The following KCNJ6 variants were observed in gnomAD, a reference collection of about 807,000 sequenced individuals.
The protein encoded by KCNJ6 is G protein-activated inward rectifier potassium channel 2.
In KCNJ6, 9 loss-of-function variants were observed where a neutral mutation model predicts 34.2. That is an observed-to-expected ratio of 0.26 (90% CI 0.16 to 0.46). The LOEUF (loss-of-function observed/expected upper bound fraction) is 0.46, where lower values mean the gene tolerates loss of function less well. KCNJ6 is among the 20% of genes least tolerant of loss of function. The pLI, the probability that KCNJ6 is intolerant of heterozygous loss-of-function variation, is 1.00. For missense variants in KCNJ6, 236 were observed against 531.3 expected, an observed-to-expected ratio of 0.44 and a Z score of 5.46; for synonymous variants, 196 against 207.1, an observed-to-expected ratio of 0.95 and a Z score of 0.46.
At chr21:37,678,276 G>A (rs1783046) in intron 3 of KCNJ6, among the ~76,000 whole-genome samples, 134,354 of 152,134 alleles carry the variant, frequency 0.88, 60,078 homozygotes, top group Non-Finnish European at 0.95. Context: ...GATGATACTG[G>A]TCAGGTAAGG....
At chr21:37,671,506 T>C (rs2123408339) in intron 3 of KCNJ6, among the ~76,000 whole-genome samples, 1 of 152,334 alleles carries the variant, frequency 6.6e-6, no homozygotes, top group South Asian at 2.1e-4. Context: ...AGTAGAGTGG[T>C]TCCCTGAGTT....
chr21:37,714,629 C>A lies in KCNJ6; in HGVS notation c.528G>T (p.Val176=). 3 of 1,614,124 alleles carry A rather than the reference C, an allele frequency of 1.9e-6. No homozygotes were observed. The highest frequency in any genetic ancestry group is 2.5e-6 in the Non-Finnish European group (3 of 1,180,032). ...TGAATGCATTGACAATGGACCCCAACACAGATTGGATTAAGAGAAGAATAA... is the reference window on the plus strand; with the variant it reads ...TGAATGCATTGACAATGGACCCCAAAACAGATTGGATTAAGAGAAGAATAA... ...EGIILLLIQS[V]LGSIVNAFMV... is the part of the protein sequence containing the mutation. The change falls in exon 3 of 4, where the codon GTG becomes GTT. Residue 176 remains valine (V), a synonymous_variant. Coordinates refer to ENST00000609713, the MANE Select transcript of KCNJ6 (RefSeq NM_002240.5). This position sits in a 1 kb window ranked among gnomAD's most constrained non-coding sequence, Gnocchi z 5.9.
At chr21:37,682,565 T>C (rs1448135807) in intron 3 of KCNJ6, among the ~76,000 whole-genome samples, 3 of 152,050 alleles carry the variant, frequency 2.0e-5, no homozygotes, top group Non-Finnish European at 4.4e-5. Flanking sequence ...GTGTCTCTTA[T>C]AAGGGCAATT....
intron 2 of KCNJ6, among the ~76,000 whole-genome samples, chr21:37,720,417 T>G (rs2054818832): frequency 6.6e-6 from 1 of 152,088 alleles, no homozygotes; most frequent in Non-Finnish European, 1.5e-5. Flanking sequence ...AAAATGAGAA[T>G]GTATGCAAGT....
intron 2 of KCNJ6, among the ~76,000 whole-genome samples, chr21:37,813,584 C>G (rs1014957420): frequency 2.6e-5 from 4 of 152,092 alleles, no homozygotes; most frequent in African/African-American, 9.7e-5. Flanking sequence ...GAATAGAGAG[C>G]CCAGAAGCAA....
intron 2 of KCNJ6, among the ~76,000 whole-genome samples, chr21:37,767,840 A>T (rs778834239): frequency 5.5e-4 from 84 of 152,246 alleles, no homozygotes; most frequent in Non-Finnish European, 1.1e-3. Context: ...TTTAAATTTA[A>T]TTTTCATGTT....
chr21:37,717,539 AG>A (rs1393836012), intron 2 of KCNJ6, among the ~76,000 whole-genome samples: 1 of 152,210 alleles, frequency 6.6e-6, no homozygotes, highest in Non-Finnish European at 1.5e-5. Context: ...CCTACATGGC[AG>A]GGTGTTCTTG....
chr21:37,688,401 G>T (rs2054625065), intron 3 of KCNJ6, among the ~76,000 whole-genome samples: 1 of 150,970 alleles, frequency 6.6e-6, no homozygotes. Flanking sequence ...CTACATTCTA[G>T]ATTCTATGCT....
chr21:37,886,652 G>A (rs1279655687), intron 1 of KCNJ6, among the ~76,000 whole-genome samples: 1 of 152,196 alleles, frequency 6.6e-6, no homozygotes, highest in Non-Finnish European at 1.5e-5. Context: ...CCCGCTGAAG[G>A]AAGCTGAAAT....
intron 2 of KCNJ6, among the ~76,000 whole-genome samples, chr21:37,808,782 T>C (rs1471783915): frequency 1.3e-5 from 2 of 152,240 alleles, no homozygotes; most frequent in Non-Finnish European, 2.9e-5. Flanking sequence ...GACTTCAAGC[T>C]TCTTTATTCT....
intron 3 of KCNJ6, among the ~76,000 whole-genome samples, chr21:37,694,521 C>A (rs1291905962): frequency 1.3e-5 from 2 of 152,178 alleles, no homozygotes; most frequent in East Asian, 1.9e-4. Flanking sequence ...ACATGTGTGG[C>A]CCTTACAACA....
intron 3 of KCNJ6, among the ~76,000 whole-genome samples, chr21:37,682,169 G>A (rs1041868803): frequency 1.3e-5 from 2 of 152,194 alleles, no homozygotes; most frequent in Non-Finnish European, 2.9e-5. Flanking sequence ...TGGAGGCTTA[G>A]AACAATAAAA....
At chr21:37,777,423 T>C (rs1190836607) in intron 2 of KCNJ6, among the ~76,000 whole-genome samples, 1 of 152,122 alleles carries the variant, frequency 6.6e-6, no homozygotes, top group Non-Finnish European at 1.5e-5. Flanking sequence ...TCAGCAATGA[T>C]TTATCTTCTG....
At chr21:37,682,135 C>T (rs1377192197) in intron 3 of KCNJ6, among the ~76,000 whole-genome samples, 1 of 152,066 alleles carries the variant, frequency 6.6e-6, no homozygotes, top group African/African-American at 2.4e-5. Context: ...TTCCTGCAGC[C>T]GCAGTAACAA....
intron 2 of KCNJ6, among the ~76,000 whole-genome samples, chr21:37,838,094 T>C (rs540736357): frequency 6.6e-6 from 1 of 152,332 alleles, no homozygotes; most frequent in South Asian, 2.1e-4. Flanking sequence ...GCAATCTTTT[T>C]CATAATGACA....
intron 2 of KCNJ6, among the ~76,000 whole-genome samples, chr21:37,839,619 C>T (rs1390540826): frequency 2.6e-5 from 4 of 152,048 alleles, no homozygotes; most frequent in South Asian, 2.1e-4. Flanking sequence ...GAGAAGTGTT[C>T]GTAAGCCTCC....
intron 1 of KCNJ6, among the ~76,000 whole-genome samples, 198 bp downstream of exon 1, chr21:37,915,686 A>G (rs187043703): frequency 1.2e-4 from 18 of 152,350 alleles, no homozygotes; most frequent in African/African-American, 4.1e-4. Flanking sequence ...AACCGTATGA[A>G]ACAGATTCCC....
chr21:37,679,776 A>C (rs1359617383), intron 3 of KCNJ6, among the ~76,000 whole-genome samples: 1 of 152,188 alleles, frequency 6.6e-6, no homozygotes, highest in Non-Finnish European at 1.5e-5. Flanking sequence ...CACTCTGTTT[A>C]TCTCTCTAAA....
chr21:37,846,584 G>A (rs1198692695), intron 1 of KCNJ6, among the ~76,000 whole-genome samples: 1 of 152,014 alleles, frequency 6.6e-6, no homozygotes. Flanking sequence ...CCCAGAAGTA[G>A]GCTTTTAAGG....
Sources: allele counts gnomAD v4.1 joint callset (sites outside exome capture counted in the v4.1 genomes callset), GRCh38; gene constraint gnomAD v4.1.1; non-coding constraint Gnocchi (gnomAD v3.1); transcripts MANE v1.5; gene names NCBI Gene and HGNC (gene_info 2026-07-23, HGNC 2026-07-21).